The following ITGB6 variants were observed in gnomAD, a reference collection of about 807,000 sequenced individuals.
ITGB6 encodes integrin beta-6.
A neutral mutation model predicts 84.5 loss-of-function variants in ITGB6; 80 were observed. That is an observed-to-expected ratio of 0.95 (90% confidence interval 0.79 to 1.14). The LOEUF is 1.14. Among genes scored for constraint, ITGB6 ranks in the 50% most tolerant of loss-of-function variants. ITGB6 has a pLI of 0.00. For missense variants in ITGB6, 1,006 were observed against 968.0 expected (o/e 1.04, Z -0.52); for synonymous variants, 383 against 354.9 (o/e 1.08, Z -0.89).
intron 8 of ITGB6, among the ~76,000 whole-genome samples, chr2:160,140,581 A>G (rs1309210559): frequency 6.6e-6 from 1 of 152,006 alleles, no homozygotes; most frequent in Non-Finnish European, 1.5e-5. Flanking sequence ...ATTTTATTTG[A>G]TTCTACACAT....
intron 4 of ITGB6, among the ~76,000 whole-genome samples, chr2:160,189,952 C>T (rs1190858353): frequency 1.2e-4 from 19 of 152,020 alleles, no homozygotes; most frequent in Non-Finnish European, 2.2e-4. Context: ...TTGGAACCAC[C>T]CCAAATGTCC....
At chr2:160,162,287 G>A (rs1684848187) in intron 7 of ITGB6, among the ~76,000 whole-genome samples, 1 of 151,832 alleles carries the variant, frequency 6.6e-6, no homozygotes. Flanking sequence ...AAAGCAAATG[G>A]TAAAAATAAT....
chr2:160,156,761 A>G (rs1435423257), intron 7 of ITGB6, among the ~76,000 whole-genome samples: 1 of 152,236 alleles, frequency 6.6e-6, no homozygotes, highest in South Asian at 2.1e-4. Flanking sequence ...CCAGCCAGGA[A>G]GTAGTAGGGC....
intron 4 of ITGB6, 96 bp from the exon 5 acceptor site, chr2:160,174,235 T>G (rs1414596717): frequency 2.6e-5 from 25 of 962,406 alleles, no homozygotes; most frequent in Non-Finnish European, 2.4e-5. Context: ...TAAATGAAGA[T>G]TAGTTTTTCT....
At chr2:160,176,989 G>T (rs993645533) in intron 4 of ITGB6, among the ~76,000 whole-genome samples, 3 of 151,834 alleles carry the variant, frequency 2.0e-5, no homozygotes, top group African/African-American at 7.3e-5. Context: ...TAAATTTTTT[G>T]ATTGTGAATT....
intron 7 of ITGB6, among the ~76,000 whole-genome samples, chr2:160,166,069 G>A (rs867842688): frequency 3.3e-5 from 5 of 152,206 alleles, no homozygotes; most frequent in South Asian, 4.1e-4. Flanking sequence ...AGATGAGAAA[G>A]ACCTGTTATT....
chr2:160,124,492 T>C (rs1366732622), intron 11 of ITGB6, among the ~76,000 whole-genome samples: 3 of 152,194 alleles, frequency 2.0e-5, no homozygotes, highest in Non-Finnish European at 4.4e-5. Flanking sequence ...AGATCACTAT[T>C]TATAGAAAAG....
At chr2:160,104,797 G>A (rs1372660099) in intron 14 of ITGB6, among the ~76,000 whole-genome samples, 3 of 152,170 alleles carry the variant, frequency 2.0e-5, no homozygotes, top group Admixed American at 1.3e-4. Context: ...GAATATGTGG[G>A]GGTGGGCATT....
At position 160,126,466 on chromosome 2, in the gene ITGB6, C is replaced by T; in HGVS notation, c.1796G>A (p.Cys599Tyr). Residue 599 changes from cysteine (C) to tyrosine (Y), a missense_variant, in exon 11 of 15, where the codon TGT becomes TAT. Transcript: ENST00000283249. ...AGGGTTTGTGCAAACACACTTGCCA[C>T]AAACACAGTCCCCGCGCCCGCTGCA... ...VLCSGRGDCV[C>Y]GKCVCTNPGA... 6.2e-7 allele frequency: 1 copy of T among 1,614,212 alleles called. No homozygotes were observed. The highest frequency in any genetic ancestry group is 8.5e-7 in the Non-Finnish European group (1 of 1,180,036).
chr2:160,182,588 A>T (rs1354260208), intron 4 of ITGB6, among the ~76,000 whole-genome samples: 1 of 152,186 alleles, frequency 6.6e-6, no homozygotes, highest in Non-Finnish European at 1.5e-5. Flanking sequence ...TATCCAGGAG[A>T]ACTTCCCCAA....
chr2:160,197,220 C>T (rs763788029), intron 2 of ITGB6, among the ~76,000 whole-genome samples: 2 of 151,988 alleles, frequency 1.3e-5, no homozygotes, highest in East Asian at 1.9e-4. Context: ...GGTGTGAACC[C>T]GGGAGGCAGA....
intron 7 of ITGB6, among the ~76,000 whole-genome samples, chr2:160,159,358 C>T (rs1219696985): frequency 5.9e-5 from 9 of 152,178 alleles, no homozygotes; most frequent in Admixed American, 5.9e-4. Flanking sequence ...TTGAGAACTG[C>T]TGGTGTAGAA....
rs773000820 is a variant in ITGB6 at position 160,195,495 on chromosome 2, C to A, written c.467G>T (p.Gly156Val). 5.6e-6 allele frequency: 9 copies of A among 1,614,058 alleles called. No homozygotes were observed. The Admixed American group carries it at 1.5e-4, about 27-fold the overall frequency. Residue 156 changes from glycine to valine, a missense_variant, in exon 4 of 15, where the codon GGC becomes GTC. Physicochemically the swap from Gly to Val is moderately radical, Grantham distance 109. Transcript: ENST00000283249. ...DDDLNTIKEL[G>V]SRLSKEMSKL... ...AGACATCTCTTTGGAAAGCCGGGAG[C>A]CCAGCTCCTTTATTGTGTTGAGGTC...
At chr2:160,128,905 G>A (rs1391585153) in intron 10 of ITGB6, among the ~76,000 whole-genome samples, 1 of 152,110 alleles carries the variant, frequency 6.6e-6, no homozygotes, top group Non-Finnish European at 1.5e-5. Flanking sequence ...CATCCTAGTA[G>A]GAGGCTGAAT....
At chr2:160,166,592 T>C (rs945865871) in intron 7 of ITGB6, among the ~76,000 whole-genome samples, 1 of 152,136 alleles carries the variant, frequency 6.6e-6, no homozygotes, top group African/African-American at 2.4e-5. Context: ...ACAGAGGAAA[T>C]ATAAAAACTT....
At chr2:160,132,473 A>G (rs1389764600) in intron 10 of ITGB6, among the ~76,000 whole-genome samples, 1 of 152,062 alleles carries the variant, frequency 6.6e-6, no homozygotes, top group African/African-American at 2.4e-5. Context: ...CAGGTCTTTT[A>G]TTTCCCCCAA....
chr2:160,117,883 A>T (rs1471533594), intron 12 of ITGB6, among the ~76,000 whole-genome samples: 1 of 152,198 alleles, frequency 6.6e-6, no homozygotes, highest in Admixed American at 6.5e-5. Context: ...AATACTACAA[A>T]CACCTCTATG....
chr2:160,195,342 A>G lies in ITGB6; in HGVS notation c.593+27T>C, dbSNP rs2124971. On this transcript the variant is annotated intron_variant, in intron 4 of 14. Transcript: ENST00000283249. Reference sequence around the variant, plus strand: ...TATCTCCACAGAAAATCAGCGCACAAAGATGCCAAGAGAATCATTTACTTA... The same window carrying G: ...TATCTCCACAGAAAATCAGCGCACAGAGATGCCAAGAGAATCATTTACTTA... The G allele has an allele frequency of 0.07, 113,134 of 1,612,822 alleles. 10,377 individuals carry two copies. The highest frequency in any genetic ancestry group is 0.44 in the East Asian group (19,906 of 44,846).
chr2:160,132,232 G>A (rs1683498875), intron 10 of ITGB6, among the ~76,000 whole-genome samples: 1 of 151,962 alleles, frequency 6.6e-6, no homozygotes, highest in Non-Finnish European at 1.5e-5. Flanking sequence ...ATGTGGGTTT[G>A]GAAACACACC....
Sources: allele counts gnomAD v4.1 joint callset (sites outside exome capture counted in the v4.1 genomes callset), GRCh38; gene constraint gnomAD v4.1.1; transcripts MANE v1.5; gene names NCBI Gene and HGNC (gene_info 2026-07-23, HGNC 2026-07-21).